NHS: variants seen among roughly 807,000 people sequenced by gnomAD.
NHS encodes actin remodeling regulator NHS.
In NHS, 5 loss-of-function variants were observed where a neutral mutation model predicts 72.5. The observed-to-expected ratio is 0.07, with a 90% CI of 0.04 to 0.14. The LOEUF is 0.14. Among genes scored for constraint, NHS ranks in the 10% least tolerant of loss-of-function variants. The pLI is 1.00. For synonymous variants in NHS, 464 were observed against 547.7 expected (o/e 0.85, Z 2.13); for missense variants, 1,072 against 1,355.7 (o/e 0.79, Z 3.29).
chrX:17,635,151 C>A, intron 1 of NHS: 1 of 275,154 alleles, frequency 3.6e-6, no homozygotes, highest in Non-Finnish European at 5.5e-6. Flanking sequence ...GATGCCTATG[C>A]TCCTAACCCC....
chrX:17,723,609 A>C (rs1463929351), intron 5 of NHS, among the ~76,000 whole-genome samples: 1 of 111,623 alleles, frequency 9.0e-6, no homozygotes, highest in Non-Finnish European at 1.9e-5. Flanking sequence ...TATTGAAAAG[A>C]CATCTCATGC....
intron 1 of NHS, among the ~76,000 whole-genome samples, chrX:17,593,412 C>T (rs772817645): frequency 6.3e-5 from 7 of 110,861 alleles, no homozygotes; most frequent in Non-Finnish European, 1.3e-4. Flanking sequence ...TTTGGAGTCA[C>T]CATTCCTTTG....
intron 1 of NHS, among the ~76,000 whole-genome samples, chrX:17,476,310 C>A (rs1026253669): frequency 1.8e-5 from 2 of 111,677 alleles, no homozygotes; most frequent in Non-Finnish European, 3.8e-5. Context: ...TCCCTCCCTC[C>A]CCTTTTCCTC....
Position 17,728,159 on chromosome X carries a change from C to T in NHS, c.4053C>T (p.Asp1351=). ...AATTTGTTATGAGCCGCCACCATGA[C>T]AAAGTGCCTGGTACTATCAGCTATG... ...KHQFVMSRHH[D]KVPGTISYES... is the part of the protein sequence containing the mutation. The change falls in exon 7 of 9, where the codon GAC becomes GAT. Residue 1351 remains aspartate, a synonymous_variant. Transcript: ENST00000676302. 1 of 1,211,685 alleles carries T rather than the reference C, an allele frequency of 8.3e-7. No homozygotes were observed. Among genetic ancestry groups the T allele is most frequent in the Non-Finnish European group, 1.1e-6 (1 of 895,391 alleles).
At chrX:17,514,526 T>C (rs1190026160) in intron 1 of NHS, among the ~76,000 whole-genome samples, 1 of 112,253 alleles carries the variant, frequency 8.9e-6, no homozygotes, top group East Asian at 2.8e-4. Flanking sequence ...ACTGTTGGCT[T>C]TCCTACTTTT....
rs1333546662 is a variant in NHS at position 17,522,963 on chromosome X, C to G, written c.565+146641C>G. On this transcript the variant is annotated intron_variant, in intron 1 of 8. Transcript: ENST00000676302. ...GTCAGGTTTGCACTGGTGTATGGTT[C>G]TATGTTGGAGGTCAGAGGTCGTCTC... Among the ~76,000 whole-genome samples the G allele has an allele frequency of 3.0e-4, 33 of 111,032 alleles. 1 individual carries two copies.
intron 1 of NHS, among the ~76,000 whole-genome samples, chrX:17,512,157 G>A (rs1332848077): frequency 9.0e-6 from 1 of 111,401 alleles, no homozygotes; most frequent in Non-Finnish European, 1.9e-5. Context: ...AGTCAGTTCT[G>A]CTATAACATG....
intron 1 of NHS, among the ~76,000 whole-genome samples, chrX:17,419,722 A>G (rs952028011): frequency 9.0e-6 from 1 of 111,608 alleles, no homozygotes. Context: ...CACCTCAAGG[A>G]TCTGTTGCCA....
intron 1 of NHS, among the ~76,000 whole-genome samples, chrX:17,664,651 A>G (rs2066001239): frequency 8.9e-6 from 1 of 111,832 alleles, no homozygotes; most frequent in Non-Finnish European, 1.9e-5. Context: ...AATCCTCCAA[A>G]TTTGTTCTCT....
At chrX:17,473,977 G>A (rs1170750789) in intron 1 of NHS, among the ~76,000 whole-genome samples, 2 of 110,348 alleles carry the variant, frequency 1.8e-5, no homozygotes, top group Non-Finnish European at 3.8e-5. Flanking sequence ...TGTTATATAG[G>A]TAGACTTGTG....
At chrX:17,589,809 G>A (rs1309944777) in intron 1 of NHS, among the ~76,000 whole-genome samples, 1 of 111,769 alleles carries the variant, frequency 8.9e-6, no homozygotes, top group Non-Finnish European at 1.9e-5. Flanking sequence ...CAGTGTAGAA[G>A]TGTTCTGTTT....
intron 1 of NHS, among the ~76,000 whole-genome samples, chrX:17,426,909 T>C (rs994883094): frequency 1.2e-4 from 13 of 111,838 alleles, no homozygotes; most frequent in Admixed American, 1.9e-4. Context: ...AAGGGACATA[T>C]CACAGTGGTG....
rs761212213 is a variant in NHS, at chrX:17,732,368, G to C, written c.4860G>C (p.Arg1620=). 2.5e-6 allele frequency: 3 copies of C among 1,211,458 alleles called. No individual in the cohort carries two copies. The highest frequency in any genetic ancestry group is 3.5e-5 in the African/African-American group (2 of 57,585). Reference sequence around the variant, plus strand: ...GCAGCCGCTACAGTGTCCGCTGCCGGCTGTACAATACGCCCATGCAGGCAA... The same window carrying C: ...GCAGCCGCTACAGTGTCCGCTGCCGCCTGTACAATACGCCCATGCAGGCAA... ...ASSSRYSVRC[R]LYNTPMQAIS... The change falls in exon 9 of 9, where the codon CGG becomes CGC. Residue 1620 remains arginine, a synonymous_variant. Transcript: ENST00000676302.
intron 1 of NHS, among the ~76,000 whole-genome samples, chrX:17,484,409 G>T (rs2064959141): frequency 8.9e-6 from 1 of 111,893 alleles, no homozygotes; most frequent in Non-Finnish European, 1.9e-5. Context: ...CAGATCAGGA[G>T]ATGGACAATT....
intron 1 of NHS, among the ~76,000 whole-genome samples, chrX:17,509,309 C>G (rs1212126762): frequency 9.0e-6 from 1 of 110,719 alleles, no homozygotes; most frequent in Non-Finnish European, 1.9e-5. Flanking sequence ...CCACTGCAAC[C>G]TCCGCCTCCC....
intron 1 of NHS, among the ~76,000 whole-genome samples, chrX:17,646,377 C>T (rs2065905929): frequency 8.9e-6 from 1 of 112,017 alleles, no homozygotes; most frequent in African/African-American, 3.2e-5. Context: ...GAACAGGAGA[C>T]TTCTTTACCT....
chrX:17,619,238 T>C (rs2065761162), intron 1 of NHS, among the ~76,000 whole-genome samples: 2 of 112,362 alleles, frequency 1.8e-5, no homozygotes, highest in Admixed American at 1.9e-4. Flanking sequence ...TGACATACAC[T>C]AGGCCTGTTG....
intron 1 of NHS, among the ~76,000 whole-genome samples, chrX:17,461,794 T>C (rs1473214669): frequency 2.7e-5 from 3 of 113,043 alleles, no homozygotes; most frequent in Non-Finnish European, 5.6e-5. Flanking sequence ...CAGTAGGGCT[T>C]GTGGCTGAGC....
intron 1 of NHS, among the ~76,000 whole-genome samples, chrX:17,456,238 G>A (rs902837237): frequency 2.7e-5 from 3 of 111,876 alleles, no homozygotes; most frequent in African/African-American, 9.7e-5. Flanking sequence ...CTAGGCTTCT[G>A]GCCCCTGGGA....
Sources: gnomAD v4.1 joint callset for allele counts (sites outside exome capture counted in the v4.1 genomes callset) on GRCh38, gnomAD v4.1.1 for gene constraint, MANE v1.5 for transcripts, NCBI Gene and HGNC (gene_info 2026-07-23, HGNC 2026-07-21) for gene names.